The following FAM161A variants were observed in gnomAD, a reference collection of about 807,000 sequenced individuals.
FAM161A encodes the protein FAM161 centrosomal protein A, also known as protein FAM161A.
In FAM161A, 57 loss-of-function variants were observed where a neutral mutation model predicts 70.9. That is an observed-to-expected ratio of 0.80 (90% CI 0.65 to 1.00). FAM161A has a LOEUF of 1.00. Among genes scored for constraint, FAM161A ranks in the 50% least tolerant of loss-of-function variants. The pLI, the probability that FAM161A is intolerant of heterozygous loss-of-function variation, is 0.00. For synonymous variants in FAM161A, 299 were observed against 295.7 expected, an observed-to-expected ratio of 1.01 and a Z score of -0.12; for missense variants, 880 against 836.0, an observed-to-expected ratio of 1.05 and a Z score of -0.65.
At chr2:61,817,923 A>T in the FAM161A span, among the ~76,000 whole-genome samples, 1 of 152,096 alleles carries the variant, frequency 6.6e-6, no homozygotes, top group Non-Finnish European at 1.5e-5. Context: ...TCTACACTGC[A>T]CTCCAGCCTG....
At chr2:61,835,870 G>C (rs572370074) in intron 5 of FAM161A, 140 bp downstream of exon 5, 2 of 720,578 alleles carry the variant, frequency 2.8e-6, no homozygotes, top group Non-Finnish European at 4.9e-6. Context: ...TGGCTGATAT[G>C]ATGAAGCCAA....
chr2:61,848,503 C>T (rs1191504992), intron 1 of FAM161A, among the ~76,000 whole-genome samples: 1 of 151,832 alleles, frequency 6.6e-6, no homozygotes, highest in African/African-American at 2.4e-5. Context: ...TCCCTTTAAT[C>T]GGCTTTTTGT....
intron 1 of FAM161A, among the ~76,000 whole-genome samples, chr2:61,845,906 T>C (rs536004353): frequency 6.6e-6 from 1 of 151,960 alleles, no homozygotes; most frequent in Non-Finnish European, 1.5e-5. Context: ...CTGGCCAACA[T>C]GGTGAAACCC....
chr2:61,831,282 T>A (rs889068249), intron 5 of FAM161A, among the ~76,000 whole-genome samples: 1 of 152,166 alleles, frequency 6.6e-6, no homozygotes, highest in Non-Finnish European at 1.5e-5. Flanking sequence ...CTTTCCTTTT[T>A]TTTTTCTAGA....
rs761940462 is a variant in FAM161A at position 61,839,434 on chromosome 2, C to G, written c.1570G>C (p.Glu524Gln). Residue 524 changes from glutamate to glutamine, a missense_variant, in exon 3 of 7, where the codon GAA becomes CAA. Physicochemically the swap from Glu to Gln is conservative, Grantham distance 29. Transcript: ENST00000404929. ...PVPTVSSRGR[E>Q]QAVRRSLEEK... The stretch of plus-strand genomic sequence containing the variant: ...CTACTTACTTACCTTACGGCTTGTT[C>G]TCGTCCTCTGGAAGATACCGTGGGC... 7 of 1,612,696 alleles carry G rather than the reference C, an allele frequency of 4.3e-6. No individual in the cohort carries two copies. Among genetic ancestry groups the G allele is most frequent in the Non-Finnish European group, 5.9e-6 (7 of 1,179,592 alleles).
At chr2:61,828,880 T>C (rs1672472541) in intron 5 of FAM161A, among the ~76,000 whole-genome samples, 1 of 152,164 alleles carries the variant, frequency 6.6e-6, no homozygotes, top group Admixed American at 6.5e-5. Flanking sequence ...TGGAGCCACA[T>C]AGTGACTGGG....
At chr2:61,821,930 C>T (rs1368063445), downstream of FAM161A, among the ~76,000 whole-genome samples, 2 of 151,640 alleles carry the variant, frequency 1.3e-5, no homozygotes, top group South Asian at 2.1e-4. Flanking sequence ...CCACCATACC[C>T]GGCTAATTTT....
the FAM161A span, among the ~76,000 whole-genome samples, chr2:61,815,211 A>G: frequency 3.9e-5 from 6 of 152,242 alleles, no homozygotes; most frequent in African/African-American, 1.4e-4. Flanking sequence ...AACAAATTAC[A>G]GTTATAAATT....
chr2:61,839,474 G>A lies in FAM161A; in HGVS notation c.1530C>T (p.Asn510=). Residue 510 remains asparagine (N), a synonymous_variant, in exon 3 of 7, where the codon AAC becomes AAT. Transcript: ENST00000404929. Reference sequence around the variant, plus strand: ...ATACCGTGGGCACGGGAGGGTTGCAGTTACAAGGCACAGGGTTTACACCTG... The same window carrying A: ...ATACCGTGGGCACGGGAGGGTTGCAATTACAAGGCACAGGGTTTACACCTG... ...RCAGVNPVPC[N]CNPPVPTVSS... is the part of the protein sequence containing the mutation. 6.2e-7 allele frequency: 1 copy of A among 1,614,214 alleles called. No individual in the cohort carries two copies. The highest frequency in any genetic ancestry group is 8.5e-7 in the Non-Finnish European group (1 of 1,180,026).
intron 5 of FAM161A, among the ~76,000 whole-genome samples, chr2:61,834,889 G>C (rs1390661391): frequency 2.0e-5 from 3 of 152,122 alleles, no homozygotes; most frequent in Admixed American, 1.3e-4. Flanking sequence ...AAAACTTGCA[G>C]TTCAGAGCTG....
At chr2:61,813,012 G>A in the FAM161A span, among the ~76,000 whole-genome samples, 2 of 151,942 alleles carry the variant, frequency 1.3e-5, no homozygotes, top group African/African-American at 4.8e-5. Context: ...GCAGTGAGCC[G>A]AGATCATGCC....
chr2:61,822,675 C>T (rs72884292), downstream of FAM161A, among the ~76,000 whole-genome samples: 33,027 of 152,150 alleles, frequency 0.22, 3,721 homozygotes, highest in Non-Finnish European at 0.24. Context: ...CAACCTCCAC[C>T]TCCCAGGTTC....
chr2:61,818,896 C>A, the FAM161A span, among the ~76,000 whole-genome samples: 2 of 152,148 alleles, frequency 1.3e-5, no homozygotes, highest in Admixed American at 1.3e-4. Flanking sequence ...AGTGCCTTTA[C>A]AATGGAGAGA....
At position 61,854,021 on chromosome 2, in the gene FAM161A, C is replaced by T. The variant is rs772636791; in HGVS notation, c.21G>A (p.Val7=). 3.7e-6 allele frequency: 6 copies of T among 1,611,362 alleles called. No individual in the cohort carries two copies. In the Admixed American group the frequency reaches 6.7e-5, roughly 18 times the overall value. The part of the protein sequence containing the change: MATSHR[V]AKLVASSLQT... ...GGAGACTGGAGGCCACCAGCTTCGC[C>T]ACTCGGTGGGAGGTGGCCATCGCCC... is the stretch of plus-strand genomic sequence containing the variant. The change falls in exon 1 of 7, where the codon GTG becomes GTA. Residue 7 remains valine, a synonymous_variant. Transcript: ENST00000404929.
intron 1 of FAM161A, among the ~76,000 whole-genome samples, chr2:61,848,762 GA>G (rs1673321108): frequency 7.7e-6 from 1 of 130,334 alleles, no homozygotes. Flanking sequence ...CAATAAATAA[GA>G]AAAAAAAGCA....
chr2:61,814,009 C>T, the FAM161A span, among the ~76,000 whole-genome samples: 6 of 152,076 alleles, frequency 3.9e-5, no homozygotes, highest in Admixed American at 1.3e-4. Flanking sequence ...TCAGGGCTGC[C>T]ACTCTCAGAG....
At chr2:61,819,420 G>A in the FAM161A span, among the ~76,000 whole-genome samples, 2 of 152,130 alleles carry the variant, frequency 1.3e-5, no homozygotes, top group South Asian at 4.1e-4. Flanking sequence ...CCATGATCCC[G>A]CTGCTACACT....
At position 61,824,977 on chromosome 2, in the gene FAM161A, T is replaced by C. The variant is rs1240616428; in HGVS notation, c.*1478A>G. 8 of 453,030 alleles carry C rather than the reference T, an allele frequency of 1.8e-5. No individual in the cohort carries two copies. Among genetic ancestry groups the C allele is most frequent in the Admixed American group, 1.4e-4 (6 of 42,408 alleles). The allele number at this position is 453,030 out of a possible 1,614,324, so 28.1% of individuals were successfully genotyped here. On this transcript the variant is annotated 3_prime_UTR_variant, in exon 7 of 7. Coordinates refer to ENST00000404929, the MANE Select transcript of FAM161A (RefSeq NM_001201543.2). ...TCCCAAGGAGTTTACAATATAATAA[T>C]AGTAAAAAGTAATTTAACACGAACT... is the stretch of plus-strand genomic sequence containing the variant.
At chr2:61,811,182 G>A in the FAM161A span, among the ~76,000 whole-genome samples, 1 of 151,974 alleles carries the variant, frequency 6.6e-6, no homozygotes, top group Non-Finnish European at 1.5e-5. Flanking sequence ...TGGATTATTG[G>A]ATTATTGCAA....
Sources: allele counts gnomAD v4.1 joint callset (sites outside exome capture counted in the v4.1 genomes callset), GRCh38; gene constraint gnomAD v4.1.1; transcripts MANE v1.5; gene names NCBI Gene and HGNC (gene_info 2026-07-23, HGNC 2026-07-21).